ERCC6L2: variants seen among roughly 807,000 people sequenced by gnomAD.
ERCC6L2 encodes the protein DNA excision repair protein ERCC-6-like 2.
A neutral mutation model predicts 132.0 loss-of-function variants in ERCC6L2; 77 were observed. The ratio of observed to expected loss-of-function variants is 0.58; its 90% confidence interval spans 0.49 to 0.71. The LOEUF (loss-of-function observed/expected upper bound fraction) is 0.71. Among genes scored for constraint, ERCC6L2 ranks in the 30% least tolerant of loss-of-function variants. The pLI, the probability that ERCC6L2 is intolerant of heterozygous loss-of-function variation, is 0.00. For synonymous variants in ERCC6L2, 583 were observed against 632.4 expected, an observed-to-expected ratio of 0.92 and a Z score of 1.17; for missense variants, 1,542 against 1,837.6, an observed-to-expected ratio of 0.84 and a Z score of 2.94.
chr9:95,998,764 A>G (rs968848429), intron 17 of ERCC6L2, among the ~76,000 whole-genome samples: 3 of 152,228 alleles, frequency 2.0e-5, no homozygotes, highest in Non-Finnish European at 4.4e-5. Flanking sequence ...CTACAGAAGT[A>G]TAAGATAATG....
intron 12 of ERCC6L2, among the ~76,000 whole-genome samples, chr9:95,945,671 T>C (rs1383605821): frequency 6.6e-6 from 1 of 152,248 alleles, no homozygotes; most frequent in Non-Finnish European, 1.5e-5. Context: ...CAATTTATGT[T>C]CTTCTGCCAT....
At chr9:95,944,528 G>T (rs1830958308) in intron 12 of ERCC6L2, among the ~76,000 whole-genome samples, 1 of 152,126 alleles carries the variant, frequency 6.6e-6, no homozygotes, top group African/African-American at 2.4e-5. Flanking sequence ...CGTTTTGTAT[G>T]TTTTGCCACA....
chr9:95,921,138 A>G (rs772387539), intron 6 of ERCC6L2, 37 bp from the exon 7 acceptor site: 4 of 1,562,516 alleles, frequency 2.6e-6, no homozygotes, highest in East Asian at 4.6e-5. Context: ...TGTTATAAAC[A>G]AAATACTAAT....
exon 20 of ERCC6L2, chr9:96,038,892 T>C (rs1429566204): frequency 4.4e-6 from 2 of 456,250 alleles, no homozygotes; most frequent in African/African-American, 4.0e-5. Flanking sequence ...AAGCTCCTTC[T>C]CAAACTTGTT....
intron 17 of ERCC6L2, among the ~76,000 whole-genome samples, chr9:95,983,773 C>T (rs1197590294): frequency 6.6e-6 from 1 of 152,156 alleles, no homozygotes; most frequent in Non-Finnish European, 1.5e-5. Flanking sequence ...TTCTTGAAGA[C>T]TATTTAACCC....
chr9:95,971,999 G>C lies in ERCC6L2; in HGVS notation c.2248G>C (p.Ala750Pro), dbSNP rs1832435157. The C allele has an allele frequency of 7.7e-7, 1 of 1,304,076 alleles. No homozygotes were observed. Among genetic ancestry groups the C allele is most frequent in the Non-Finnish European group, 1.0e-6 (1 of 988,926 alleles). The allele number at this position is 1,304,076 out of a possible 1,614,324, so 80.8% of individuals were successfully genotyped here. A position where few individuals can be genotyped will look rare whatever the true frequency, so the allele number is the denominator to read the frequency against. The change falls in exon 16 of 19, where the codon GCA becomes CCA. Residue 750 changes from alanine to proline, a missense_variant. By Grantham distance (27) the Ala-to-Pro change is conservative (BLOSUM62 -1). Transcript: ENST00000653738. ...EQAAEPLAKE[A>P]CDLCSDFSDE... Reference sequence around the variant, plus strand: ...AGCTGCAGAGCCACTGGCAAAGGAAGCATGTGATCTCTGCAGTGACTTCAG... The same window carrying C: ...AGCTGCAGAGCCACTGGCAAAGGAACCATGTGATCTCTGCAGTGACTTCAG...
At chr9:96,036,790 G>A (rs1269396507) in intron 19 of ERCC6L2, among the ~76,000 whole-genome samples, 15 of 141,924 alleles carry the variant, frequency 1.1e-4, no homozygotes, top group South Asian at 2.2e-4. Flanking sequence ...TTTTTGAGAC[G>A]GAGTCTCACT....
chr9:95,916,298 A>G lies in ERCC6L2; in HGVS notation c.1022A>G (p.Gln341Arg). ...TTTTCTGACCCAGTAGAACATGGTC[A>G]GAGACACACGGCAACAAAGAGAGAA... ...KQFSDPVEHG[Q>R]RHTATKRELA... Residue 341 changes from glutamine to arginine, a missense_variant, in exon 6 of 19, where the codon CAG becomes CGG. Transcript: ENST00000653738. 1 of 1,614,162 alleles carries G rather than the reference A, an allele frequency of 6.2e-7. No individual in the cohort carries two copies. The highest frequency in any genetic ancestry group is 1.3e-5 in the African/African-American group (1 of 75,066).
At chr9:95,971,455 T>G (rs1043806959) in intron 15 of ERCC6L2, 3 of 152,202 alleles carry the variant, frequency 2.0e-5, no homozygotes, top group Admixed American at 6.6e-5. Context: ...GTGATCAAGA[T>G]CCTATCGGCC....
intron 13 of ERCC6L2, among the ~76,000 whole-genome samples, chr9:95,961,500 G>A (rs971657436): frequency 3.9e-5 from 6 of 152,122 alleles, no homozygotes; most frequent in African/African-American, 1.4e-4. Context: ...AATTTCTATT[G>A]TTGTAAGACA....
chr9:96,018,534 C>T (rs1407483341), downstream of ERCC6L2, among the ~76,000 whole-genome samples: 2 of 151,884 alleles, frequency 1.3e-5, no homozygotes, highest in South Asian at 2.1e-4. Flanking sequence ...AATCATAGCT[C>T]ACTGCAGCCT....
chr9:95,986,497 CTTTTTT>C (rs57381408), intron 17 of ERCC6L2, among the ~76,000 whole-genome samples: 1 of 116,250 alleles, frequency 8.6e-6, no homozygotes. Context: ...TATCTCTCTC[CTTTTTT>C]TTTTTTTTTT....
intron 8 of ERCC6L2, among the ~76,000 whole-genome samples, chr9:95,922,672 CTT>C (rs1829927877): frequency 6.6e-6 from 1 of 152,040 alleles, no homozygotes; most frequent in Non-Finnish European, 1.5e-5. Flanking sequence ...TCAAAACAGT[CTT>C]TGGTATAATT....
At chr9:95,956,966 G>A (rs1032981531) in intron 13 of ERCC6L2, among the ~76,000 whole-genome samples, 13 of 152,106 alleles carry the variant, frequency 8.5e-5, no homozygotes, top group African/African-American at 2.4e-4. Flanking sequence ...CACTACCTTA[G>A]AGGTGCATGA....
chr9:96,000,162 C>T (rs1399196508), intron 17 of ERCC6L2, among the ~76,000 whole-genome samples: 1 of 152,138 alleles, frequency 6.6e-6, no homozygotes, highest in Non-Finnish European at 1.5e-5. Flanking sequence ...GCTGGGATTA[C>T]AGGTGTGAGC....
At chr9:95,933,177 C>A (rs1830415338) in intron 11 of ERCC6L2, among the ~76,000 whole-genome samples, 1 of 152,178 alleles carries the variant, frequency 6.6e-6, no homozygotes, top group African/African-American at 2.4e-5. Flanking sequence ...CCTGACCTTG[C>A]CATCAAGAAG....
At chr9:96,025,095 G>T (rs766040511) in intron 19 of ERCC6L2, among the ~76,000 whole-genome samples, 11 of 152,332 alleles carry the variant, frequency 7.2e-5, no homozygotes, top group Non-Finnish European at 1.0e-4. Context: ...GTCTTCTAGA[G>T]AAATTTGTCA....
At chr9:95,920,570 C>T (rs1389561296) in intron 6 of ERCC6L2, among the ~76,000 whole-genome samples, 3 of 152,032 alleles carry the variant, frequency 2.0e-5, no homozygotes, top group African/African-American at 7.2e-5. Flanking sequence ...ACCCTAGCGC[C>T]ATCCATGTTC....
intron 11 of ERCC6L2, among the ~76,000 whole-genome samples, chr9:95,938,417 A>G (rs1046535818): frequency 2.0e-5 from 3 of 152,018 alleles, no homozygotes; most frequent in African/African-American, 4.8e-5. Flanking sequence ...TAGGAGTTCT[A>G]TCAGTTGCTG....
Sources: allele counts gnomAD v4.1 joint callset (sites outside exome capture counted in the v4.1 genomes callset), GRCh38; gene constraint gnomAD v4.1.1; transcripts MANE v1.5; gene names NCBI Gene and HGNC (gene_info 2026-07-23, HGNC 2026-07-21).